Variants in CACNA2D3 observed in about 807,000 individuals in gnomAD.
CACNA2D3 encodes calcium voltage-gated channel auxiliary subunit alpha2delta 3.
A neutral mutation model predicts 160.6 loss-of-function variants in CACNA2D3; 60 were observed. The observed-to-expected ratio is 0.37, with a 90% CI of 0.30 to 0.46. CACNA2D3 has a LOEUF of 0.46. Among genes scored for constraint, CACNA2D3 ranks in the 20% least tolerant of loss-of-function variants. The pLI is 1.00. For missense variants in CACNA2D3, 1,205 were observed against 1,365.0 expected, an observed-to-expected ratio of 0.88 and a Z score of 1.85; for synonymous variants, 558 against 492.9, an observed-to-expected ratio of 1.13 and a Z score of -1.75.
chr3:54,786,226 A>T (rs1480529221), intron 13 of CACNA2D3, among the ~76,000 whole-genome samples: 1 of 152,206 alleles, frequency 6.6e-6, no homozygotes, highest in African/African-American at 2.4e-5. Context: ...CTCTAGAGTA[A>T]CGGTCACTAA....
chr3:55,065,938 GGA>G (rs1704625386), intron 35 of CACNA2D3, among the ~76,000 whole-genome samples: 1 of 152,156 alleles, frequency 6.6e-6, no homozygotes. Context: ...ATAATCATAA[GGA>G]GAAAATATTT....
intron 2 of CACNA2D3, among the ~76,000 whole-genome samples, chr3:54,161,218 G>C (rs180674254): frequency 9.2e-5 from 14 of 152,256 alleles, no homozygotes; most frequent in African/African-American, 2.9e-4. Context: ...AAAACATACA[G>C]ATAGCCCTCT....
At chr3:54,456,763 A>G (rs537332451) in intron 4 of CACNA2D3, among the ~76,000 whole-genome samples, 1 of 152,072 alleles carries the variant, frequency 6.6e-6, no homozygotes, top group South Asian at 2.1e-4. Context: ...TTTAACTACA[A>G]CTTTAACCTC....
rs532026833 is a variant in CACNA2D3 at position 54,302,760 on chromosome 3, C to T, written c.205-17682C>T. ...ACCCTCTCCTGTCTGTCCACTCCTC[C>T]TTCATCTGTTTCTCTCTTCTTCCTC... is the stretch of plus-strand genomic sequence containing the variant. On this transcript the variant is annotated intron_variant, in intron 2 of 37. Coordinates refer to ENST00000474759, the MANE Select transcript of CACNA2D3 (RefSeq NM_018398.3). 1.3e-5 allele frequency among the ~76,000 whole-genome samples: 2 copies of T among 151,890 alleles called. 1 individual carries two copies. The highest frequency in any genetic ancestry group is 6.8e-3 in the Middle Eastern group (2 of 292).
At chr3:54,451,802 A>G (rs1160863537) in intron 4 of CACNA2D3, among the ~76,000 whole-genome samples, 1 of 152,192 alleles carries the variant, frequency 6.6e-6, no homozygotes, top group Non-Finnish European at 1.5e-5. Flanking sequence ...ATCATCTTCA[A>G]GGTCATCACT....
chr3:55,032,336 C>T (rs1317464423), intron 35 of CACNA2D3, among the ~76,000 whole-genome samples: 1 of 152,166 alleles, frequency 6.6e-6, no homozygotes, highest in Non-Finnish European at 1.5e-5. Flanking sequence ...TCAGGGTTTG[C>T]TTTGGAAACT....
intron 11 of CACNA2D3, among the ~76,000 whole-genome samples, chr3:54,716,891 G>A (rs1019275177): frequency 6.9e-6 from 1 of 144,590 alleles, no homozygotes; most frequent in South Asian, 2.3e-4. Flanking sequence ...GATAAGGGAC[G>A]CAAAACTTGT....
At chr3:54,756,694 T>G (rs575145308) in intron 12 of CACNA2D3, among the ~76,000 whole-genome samples, 2 of 152,302 alleles carry the variant, frequency 1.3e-5, no homozygotes, top group South Asian at 4.1e-4. Flanking sequence ...GCTCTCACGT[T>G]GTCCCTGAGT....
At chr3:54,638,177 TAATAA>T (rs1490905586) in intron 10 of CACNA2D3, 6 of 151,994 alleles carry the variant, frequency 3.9e-5, no homozygotes, top group Non-Finnish European at 8.8e-5. Context: ...GCAGATTGGG[TAATAA>T]AATGTATATT....
intron 3 of CACNA2D3, 116 bp downstream of exon 3, chr3:54,320,674 A>C (rs1455740029): frequency 1.8e-6 from 1 of 546,960 alleles, no homozygotes; most frequent in Non-Finnish European, 3.2e-6. Flanking sequence ...TCTATTACGT[A>C]AATACTTTTA....
chr3:54,699,349 T>C (rs915536506), intron 11 of CACNA2D3, among the ~76,000 whole-genome samples: 1 of 152,288 alleles, frequency 6.6e-6, no homozygotes, highest in East Asian at 1.9e-4. Flanking sequence ...GTCCCGGGCA[T>C]CTGCTGAGCT....
chr3:54,649,740 C>T (rs952523471), intron 11 of CACNA2D3, among the ~76,000 whole-genome samples: 13 of 152,278 alleles, frequency 8.5e-5, no homozygotes, highest in African/African-American at 3.1e-4. Flanking sequence ...TAATTACTTC[C>T]CAAAGGCCCC....
At chr3:54,313,051 A>G (rs1201351539) in intron 2 of CACNA2D3, among the ~76,000 whole-genome samples, 1 of 152,178 alleles carries the variant, frequency 6.6e-6, no homozygotes, top group Non-Finnish European at 1.5e-5. Context: ...AGGGAAAAAT[A>G]AGGTAGCACT....
chr3:54,860,577 A>C (rs897210765), intron 17 of CACNA2D3, among the ~76,000 whole-genome samples: 41 of 152,200 alleles, frequency 2.7e-4, no homozygotes, highest in African/African-American at 9.9e-4. Context: ...GATTCATTTG[A>C]GCGTTAATGA....
rs567237353 is a variant in CACNA2D3 at position 54,929,183 on chromosome 3, C to A, written c.2449+29315C>A. ...GCGTGTCTCCAGGCAAGTGACTTAC[C>A]CACCCAGAGCCCCATCTCTGACATG... On this transcript the variant is annotated intron_variant, in intron 27 of 37. Transcript: ENST00000474759. Among the ~76,000 whole-genome samples the A allele has an allele frequency of 6.6e-5, 10 of 152,276 alleles. No homozygotes were observed. In the South Asian group the frequency reaches 2.1e-3, roughly 32 times the overall value.
intron 4 of CACNA2D3, among the ~76,000 whole-genome samples, chr3:54,500,563 CTT>C (rs1209951340): frequency 8.6e-6 from 1 of 116,164 alleles, no homozygotes; most frequent in Admixed American, 9.2e-5. Flanking sequence ...CTTTCTCTCT[CTT>C]TCTTTTCTTT....
intron 2 of CACNA2D3, chr3:54,178,047 C>A (rs1398374659): frequency 6.6e-6 from 1 of 152,062 alleles, no homozygotes; most frequent in Non-Finnish European, 1.5e-5. Flanking sequence ...CTCCAGTTTC[C>A]ATAGAGATGG....
At chr3:54,138,278 T>C (rs1398213013) in intron 2 of CACNA2D3, among the ~76,000 whole-genome samples, 1 of 152,182 alleles carries the variant, frequency 6.6e-6, no homozygotes, top group Non-Finnish European at 1.5e-5. Flanking sequence ...AGCACTGGGC[T>C]ATGCAATGTG....
intron 31 of CACNA2D3, among the ~76,000 whole-genome samples, chr3:54,988,564 T>C (rs1702667805): frequency 1.3e-5 from 2 of 152,188 alleles, no homozygotes; most frequent in Admixed American, 6.5e-5. Context: ...GTTAAATATA[T>C]AATGGCAGGA....
Sources: allele counts gnomAD v4.1 joint callset (sites outside exome capture counted in the v4.1 genomes callset), GRCh38; gene constraint gnomAD v4.1.1; transcripts MANE v1.5; gene names NCBI Gene and HGNC (gene_info 2026-07-23, HGNC 2026-07-21).